The following ZUP1 variants were observed in gnomAD, a reference collection of about 807,000 sequenced individuals.
The protein encoded by ZUP1 is zinc finger containing ubiquitin peptidase 1, also known as zinc finger-containing ubiquitin peptidase 1.
In ZUP1, 55 loss-of-function variants were observed where a neutral mutation model predicts 68.1. That is an observed-to-expected ratio of 0.81 (90% CI 0.65 to 1.01). The LOEUF (loss-of-function observed/expected upper bound fraction) is 1.01. Among genes scored for constraint, ZUP1 ranks in the 50% least tolerant of loss-of-function variants. ZUP1 has a pLI of 0.00. For synonymous variants in ZUP1, 223 were observed against 221.5 expected (o/e 1.01, Z -0.06); for missense variants, 684 against 674.9 (o/e 1.01, Z -0.15).
At chr6:116,641,867 C>T (rs1056354683) in intron 9 of ZUP1, among the ~76,000 whole-genome samples, 25 of 152,024 alleles carry the variant, frequency 1.6e-4, no homozygotes, top group African/African-American at 5.5e-4. Flanking sequence ...AATAGAGACA[C>T]AAAAAACCCT....
At chr6:116,639,392 G>A (rs1437280664) in intron 9 of ZUP1, among the ~76,000 whole-genome samples, 1 of 152,252 alleles carries the variant, frequency 6.6e-6, no homozygotes, top group African/African-American at 2.4e-5. Context: ...CTCCTCAAGT[G>A]GGTCCCTGAC....
chr6:116,643,654 G>A (rs1010601072), intron 9 of ZUP1, among the ~76,000 whole-genome samples: 17 of 152,274 alleles, frequency 1.1e-4, no homozygotes, highest in South Asian at 4.2e-4. Flanking sequence ...GCTGAAACTC[G>A]ATCCCTTCCT....
At chr6:116,656,956 T>C (rs1042041074) in intron 4 of ZUP1, 104 bp from the exon 5 acceptor site, 2 of 714,768 alleles carry the variant, frequency 2.8e-6, no homozygotes, top group Non-Finnish European at 4.3e-6. Context: ...AACATTCTGG[T>C]TTATAGACTT....
At chr6:116,667,300 G>T (rs1007692492) in intron 1 of ZUP1, 93 bp from the exon 2 acceptor site, 8 of 745,128 alleles carry the variant, frequency 1.1e-5, no homozygotes, top group African/African-American at 3.7e-5. Flanking sequence ...TTTAACGCTG[G>T]ATTATTTTGA....
chr6:116,658,260 A>G (rs1206263674), intron 4 of ZUP1, among the ~76,000 whole-genome samples: 1 of 152,224 alleles, frequency 6.6e-6, no homozygotes, highest in Non-Finnish European at 1.5e-5. Context: ...CAACAGGTAA[A>G]ACCACCCACC....
intron 3 of ZUP1, 125 bp from the exon 4 acceptor site, chr6:116,659,049 T>C: frequency 3.5e-6 from 3 of 848,886 alleles, no homozygotes; most frequent in Non-Finnish European, 5.1e-6. Flanking sequence ...ACTGTGATGA[T>C]ATGGAACTGA....
intron 9 of ZUP1, 113 bp downstream of exon 9, chr6:116,645,601 A>AT: frequency 1.3e-6 from 1 of 794,910 alleles, no homozygotes; most frequent in East Asian, 2.9e-5. Context: ...AAAAAAAAAA[A>AT]GAAAAAGAAT....
intron 8 of ZUP1, 101 bp downstream of exon 8, chr6:116,647,358 A>G: frequency 9.0e-7 from 1 of 1,116,238 alleles, no homozygotes; most frequent in African/African-American, 1.6e-5. Flanking sequence ...GATTCTGTCT[A>G]AAAAAACAAA....
chr6:116,667,951 C>G (rs562050663), intron 1 of ZUP1, among the ~76,000 whole-genome samples: 10 of 152,140 alleles, frequency 6.6e-5, no homozygotes, highest in African/African-American at 2.4e-4. Context: ...ACTGTAAAAT[C>G]CAAAGGTAGT....
chr6:116,666,967 T>C lies in ZUP1; in HGVS notation c.226A>G (p.Lys76Glu). Residue 76 changes from lysine to glutamate, a missense_variant, in exon 2 of 10, where the codon AAG becomes GAG. Lys to Glu is a moderately conservative substitution (Grantham distance 56, BLOSUM62 1). Coordinates refer to ENST00000368576, the MANE Select transcript of ZUP1 (RefSeq NM_145062.3). Reference protein sequence around the residue: ...NTVQYGTSDNKKDNTLQCGME... With the variant: ...NTVQYGTSDNEKDNTLQCGME... ...CCACACTGTAGGGTGTTGTCTTTCT[T>C]GTTATCTGAAGTTCCATATTGTACT... The C allele has an allele frequency of 6.2e-7, 1 of 1,613,776 alleles. No individual in the cohort carries two copies. The highest frequency in any genetic ancestry group is 8.5e-7 in the Non-Finnish European group (1 of 1,179,836).
rs529483534 is a variant in ZUP1 at position 116,645,360 on chromosome 6, C to T, written c.1689+354G>A. Among the ~76,000 whole-genome samples the T allele has an allele frequency of 1.6e-4, 25 of 151,990 alleles. No individual in the cohort carries two copies. The East Asian group carries it at 4.1e-3, about 25-fold the overall frequency. ...CTTTGGGAGGCTGAGGTGGGCAGAT[C>T]GCTTGAGCCTAGGAGTTTGAGACCA... On this transcript the variant is annotated intron_variant, in intron 9 of 9. Transcript: ENST00000368576.
At chr6:116,636,960 A>G (rs1223412335) in intron 9 of ZUP1, among the ~76,000 whole-genome samples, 1 of 152,206 alleles carries the variant, frequency 6.6e-6, no homozygotes, top group Non-Finnish European at 1.5e-5. Flanking sequence ...TGGCACATTA[A>G]TATTGGCTGA....
intron 4 of ZUP1, among the ~76,000 whole-genome samples, chr6:116,658,022 G>T (rs1156992581): frequency 3.3e-5 from 5 of 152,180 alleles, no homozygotes. Flanking sequence ...GACCCTAGAA[G>T]GCGGAGGTTG....
At chr6:116,646,694 C>A (rs186206715) in intron 8 of ZUP1, among the ~76,000 whole-genome samples, 13 of 152,302 alleles carry the variant, frequency 8.5e-5, no homozygotes, top group Middle Eastern at 3.4e-3. Flanking sequence ...CCCACCTCAG[C>A]CTCCTGAGTA....
intron 5 of ZUP1, among the ~76,000 whole-genome samples, chr6:116,655,648 C>T (rs935785071): frequency 6.6e-6 from 1 of 152,054 alleles, no homozygotes; most frequent in African/African-American, 2.4e-5. Flanking sequence ...TTTTAATACT[C>T]ATCAGAAAAA....
intron 9 of ZUP1, among the ~76,000 whole-genome samples, chr6:116,639,760 A>G (rs946069072): frequency 4.5e-4 from 68 of 152,360 alleles, no homozygotes; most frequent in African/African-American, 1.6e-3. Context: ...GAAAAACTGG[A>G]AACTCTAAAA....
Position 116,658,937 on chromosome 6 carries a change from G to A in ZUP1, c.671-13C>T, listed in dbSNP as rs1365518042. ...ACTCTATCCATGCCTGTTAGGTATT[G>A]TTAATGTTCAGAATAAAATAACTGT... On this transcript the variant is annotated splice_polypyrimidine_tract_variant and intron_variant, in intron 3 of 9. Transcript: ENST00000368576. The A allele has an allele frequency of 6.3e-7, 1 of 1,588,128 alleles. No homozygotes were observed. Among genetic ancestry groups the A allele is most frequent in the Admixed American group, 1.8e-5 (1 of 54,642 alleles).
Position 116,667,913 on chromosome 6 carries a change from T to A in ZUP1, c.-16+653A>T, listed in dbSNP as rs375599004. On this transcript the variant is annotated intron_variant, in intron 1 of 9. Transcript: ENST00000368576. ...GATTCATCATTTTGGGTAAGGAATCTCATCTCTCTGAGGTTCAGTCAAAGA... is the reference window on the plus strand; with the variant it reads ...GATTCATCATTTTGGGTAAGGAATCACATCTCTCTGAGGTTCAGTCAAAGA... Among the ~76,000 whole-genome samples the A allele has an allele frequency of 2.0e-5, 3 of 152,302 alleles. No individual in the cohort carries two copies. The East Asian group carries it at 5.8e-4, about 29-fold the overall frequency.
At position 116,645,583 on chromosome 6, in the gene ZUP1, C is replaced by CAA. The variant is rs59393240; in HGVS notation, c.1689+129_1689+130dup. The CAA allele has an allele frequency of 9.0e-3, 3,876 of 428,522 alleles. 27 individuals carry two copies. The highest frequency in any genetic ancestry group is 0.048 in the African/African-American group (1,278 of 26,462). 26.5% of individuals were successfully genotyped at this position (428,522 alleles called of 1,614,324 possible). On this transcript the variant is annotated intron_variant, in intron 9 of 9. Coordinates refer to ENST00000368576, the MANE Select transcript of ZUP1 (RefSeq NM_145062.3). ...GGTCAACAGAGTGAGACCCTGTCTC[C>CAA]AAAAAAAAAAAAAAAAAAGAAAAAG...
Sources: allele counts gnomAD v4.1 joint callset (sites outside exome capture counted in the v4.1 genomes callset), GRCh38; gene constraint gnomAD v4.1.1; transcripts MANE v1.5; gene names NCBI Gene and HGNC (gene_info 2026-07-23, HGNC 2026-07-21).